Variants in PRR16 observed in about 807,000 individuals in gnomAD.
The protein encoded by PRR16 is protein Largen.
In PRR16, 6 loss-of-function variants were observed where a neutral mutation model predicts 18.2. The observed-to-expected ratio is 0.33, with a 90% CI of 0.18 to 0.65. The LOEUF is 0.65. Ranked by LOEUF, PRR16 falls within the 30% of genes least tolerant of loss-of-function variation. The pLI, the probability that PRR16 is intolerant of heterozygous loss-of-function variation, is 0.74. For synonymous variants in PRR16, 151 were observed against 147.8 expected (o/e 1.02, Z -0.16); for missense variants, 412 against 376.6 (o/e 1.09, Z -0.78).
the PRR16 span, among the ~76,000 whole-genome samples, chr5:120,732,340 T>A: frequency 6.6e-6 from 1 of 152,150 alleles, no homozygotes; most frequent in African/African-American, 2.4e-5. Context: ...TTTTCCTCCA[T>A]TTTTTTGGTT....
chr5:120,565,575 T>A (rs1752711475), intron 1 of PRR16, among the ~76,000 whole-genome samples: 1 of 152,214 alleles, frequency 6.6e-6, no homozygotes, highest in African/African-American at 2.4e-5. Flanking sequence ...CATACATAAT[T>A]GAAATAAATC....
At chr5:120,682,040 A>G (rs1029242630) in intron 1 of PRR16, among the ~76,000 whole-genome samples, 1 of 152,224 alleles carries the variant, frequency 6.6e-6, no homozygotes, top group Non-Finnish European at 1.5e-5. Flanking sequence ...ACTCTTTAAA[A>G]GAAAAATATG....
At chr5:120,675,235 A>C (rs1247814580) in intron 1 of PRR16, among the ~76,000 whole-genome samples, 1 of 152,250 alleles carries the variant, frequency 6.6e-6, no homozygotes, top group Non-Finnish European at 1.5e-5. Context: ...TCCCAATGAA[A>C]AAAATGGAGA....
intron 1 of PRR16, among the ~76,000 whole-genome samples, chr5:120,542,007 T>G (rs1485218149): frequency 6.6e-6 from 1 of 152,120 alleles, no homozygotes; most frequent in Non-Finnish European, 1.5e-5. Context: ...TACTCCCTTG[T>G]TGAAACCAAA....
chr5:120,727,378 G>GTCACCTGCCTAATCTGTATGT, the PRR16 span, among the ~76,000 whole-genome samples: 1 of 152,010 alleles, frequency 6.6e-6, no homozygotes, highest in South Asian at 2.1e-4. Context: ...AATCTGTATG[G>GTCACCTGCCTAATCTGTATGT]TCACCTGCCT....
the PRR16 span, among the ~76,000 whole-genome samples, chr5:120,763,431 G>T: frequency 2.0e-5 from 3 of 152,060 alleles, no homozygotes; most frequent in African/African-American, 7.2e-5. Context: ...ACCACGCCTG[G>T]CCTGCAATAA....
intron 1 of PRR16, among the ~76,000 whole-genome samples, chr5:120,622,593 C>T (rs555462183): frequency 6.6e-6 from 1 of 152,152 alleles, no homozygotes; most frequent in East Asian, 1.9e-4. Context: ...ATTCTCCTGC[C>T]TTAGCCTCCC....
chr5:120,592,979 G>A (rs13167682), intron 1 of PRR16, among the ~76,000 whole-genome samples: 28,215 of 151,760 alleles, frequency 0.19, 3,485 homozygotes, highest in Non-Finnish European at 0.28. Flanking sequence ...AAATAACTTT[G>A]TTACCCATAC....
chr5:120,475,799 G>A (rs889230923), intron 1 of PRR16, among the ~76,000 whole-genome samples: 5 of 152,098 alleles, frequency 3.3e-5, no homozygotes, highest in African/African-American at 1.2e-4. Context: ...AGGGTACTGG[G>A]CTATTCCATA....
the PRR16 span, among the ~76,000 whole-genome samples, chr5:120,758,659 T>C: frequency 2.0e-5 from 3 of 152,004 alleles, no homozygotes; most frequent in Admixed American, 1.3e-4. Flanking sequence ...GCACTCTCTC[T>C]CTCCTGCTGC....
At chr5:120,672,588 AAGTC>A (rs1442631616) in intron 1 of PRR16, among the ~76,000 whole-genome samples, 4 of 151,342 alleles carry the variant, frequency 2.6e-5, no homozygotes, top group Non-Finnish European at 5.9e-5. Context: ...TATTTAAAGA[AAGTC>A]TTCTGTAACT....
At chr5:120,759,644 TA>T in the PRR16 span, among the ~76,000 whole-genome samples, 1 of 152,264 alleles carries the variant, frequency 6.6e-6, no homozygotes, top group East Asian at 1.9e-4. Context: ...CATAAAACTT[TA>T]TAGTACAAAG....
intron 1 of PRR16, among the ~76,000 whole-genome samples, chr5:120,548,989 A>G (rs1752165006): frequency 6.6e-6 from 1 of 150,606 alleles, no homozygotes; most frequent in African/African-American, 2.4e-5. Flanking sequence ...ACACACATGC[A>G]CACTCATATA....
chr5:120,536,080 C>G (rs58416949), intron 1 of PRR16, among the ~76,000 whole-genome samples: 1 of 152,248 alleles, frequency 6.6e-6, no homozygotes, highest in African/African-American at 2.4e-5. Context: ...ATTAAGTGAC[C>G]AACCTTGTTT....
chr5:120,644,244 G>A (rs1211040442), intron 1 of PRR16, among the ~76,000 whole-genome samples: 3 of 152,002 alleles, frequency 2.0e-5, no homozygotes, highest in African/African-American at 7.2e-5. Flanking sequence ...TAGGCATAGG[G>A]TAAGCATTCA....
the PRR16 span, among the ~76,000 whole-genome samples, chr5:120,725,547 T>C: frequency 1.9e-4 from 29 of 152,074 alleles, no homozygotes; most frequent in Non-Finnish European, 3.8e-4. Context: ...CATGGTGTCA[T>C]GTGCCTTTAA....
At chr5:120,755,841 C>T in the PRR16 span, among the ~76,000 whole-genome samples, 56 of 151,968 alleles carry the variant, frequency 3.7e-4, no homozygotes, top group African/African-American at 1.3e-3. Context: ...AAAAAAGCAA[C>T]AAAAGAATAA....
At chr5:120,741,203 G>T in the PRR16 span, among the ~76,000 whole-genome samples, 3 of 151,864 alleles carry the variant, frequency 2.0e-5, no homozygotes, top group Non-Finnish European at 4.4e-5. Flanking sequence ...TAAATTCACT[G>T]ATTAATTCTA....
intron 1 of PRR16, among the ~76,000 whole-genome samples, chr5:120,529,281 T>A (rs141850429): frequency 1.2e-3 from 182 of 152,288 alleles, no homozygotes; most frequent in African/African-American, 4.2e-3. Context: ...TATGATATGA[T>A]CACTACTAGC....
Sources: gnomAD v4.1 joint callset for allele counts (sites outside exome capture counted in the v4.1 genomes callset) on GRCh38, gnomAD v4.1.1 for gene constraint, MANE v1.5 for transcripts, NCBI Gene and HGNC (gene_info 2026-07-23, HGNC 2026-07-21) for gene names.